Variants in HDAC1 observed in about 807,000 individuals in gnomAD.
The protein encoded by HDAC1 is histone deacetylase 1.
In HDAC1, 18 loss-of-function variants were observed where a neutral mutation model predicts 65.5. That is an observed-to-expected ratio of 0.27 (90% CI 0.19 to 0.41). The LOEUF (loss-of-function observed/expected upper bound fraction) is 0.41. Among genes scored for constraint, HDAC1 ranks in the 10% least tolerant of loss-of-function variants. HDAC1 has a pLI of 1.00. For synonymous variants in HDAC1, 211 were observed against 227.9 expected (o/e 0.93, Z 0.67); for missense variants, 373 against 625.2 (o/e 0.60, Z 4.30).
chr1:32,326,432 T>C (rs6679175), intron 4 of HDAC1, among the ~76,000 whole-genome samples: 5,660 of 152,214 alleles, frequency 0.037, 345 homozygotes, highest in African/African-American at 0.13. Flanking sequence ...CCCAAACTTC[T>C]GGGATTACAG....
rs1262466276 is a variant in HDAC1, at chr1:32,329,109, C to T, written c.678C>T (p.Tyr226=). The change falls in exon 7 of 14, where the codon TAC becomes TAT. Residue 226 remains tyrosine, a synonymous_variant. Coordinates refer to ENST00000373548, the MANE Select transcript of HDAC1 (RefSeq NM_004964.3). The surrounding 1 kb of genome is among the most constrained non-coding windows in gnomAD (Gnocchi z 4.1). Reference sequence around the variant, plus strand: ...AAGGCAAGTATTATGCTGTTAACTACCCGCTCCGAGACGGGATTGATGACG... The same window carrying T: ...AAGGCAAGTATTATGCTGTTAACTATCCGCTCCGAGACGGGATTGATGACG... The part of the protein sequence containing the change: ...AGKGKYYAVN[Y]PLRDGIDDES... 11 of 1,612,944 alleles carry T rather than the reference C, an allele frequency of 6.8e-6. No individual in the cohort carries two copies. The highest frequency in any genetic ancestry group is 2.2e-5 in the East Asian group (1 of 44,888).
At chr1:32,321,736 T>A (rs1032745077) in intron 3 of HDAC1, among the ~76,000 whole-genome samples, 1 of 152,134 alleles carries the variant, frequency 6.6e-6, no homozygotes, top group Non-Finnish European at 1.5e-5. Flanking sequence ...AAATATTTTT[T>A]TTTTTCTCAC....
At chr1:32,305,707 C>T (rs1640902300) in intron 2 of HDAC1, among the ~76,000 whole-genome samples, 1 of 151,224 alleles carries the variant, frequency 6.6e-6, no homozygotes, top group Non-Finnish European at 1.5e-5. Context: ...GCCTCCCAGG[C>T]TCAAGCCATC....
intron 1 of HDAC1, among the ~76,000 whole-genome samples, chr1:32,293,805 G>GA (rs1640729673): frequency 6.6e-6 from 1 of 151,940 alleles, no homozygotes. Flanking sequence ...AGGAGGCTGA[G>GA]GCAGGAGAGT....
rs117067587 is a variant in HDAC1, at chr1:32,306,158, A to G, written c.162+3425A>G. Among the ~76,000 whole-genome samples, 36 of 143,508 alleles carry G rather than the reference A, an allele frequency of 2.5e-4. No homozygotes were observed. The East Asian group carries it at 7.4e-3, about 30-fold the overall frequency. The allele number at this position is 143,508 out of a possible 152,430, so 94.1% of individuals were successfully genotyped here. On this transcript the variant is annotated intron_variant, in intron 2 of 13. Coordinates refer to ENST00000373548, the MANE Select transcript of HDAC1 (RefSeq NM_004964.3). ...GTTCTTCTGAAAAAGTGATTTGGCT[A>G]TTTGCCCTTTCACTTTTTTTTCTTT...
At chr1:32,293,335 A>AAAAAGATG (rs1430110167) in intron 1 of HDAC1, among the ~76,000 whole-genome samples, 1 of 151,924 alleles carries the variant, frequency 6.6e-6, no homozygotes, top group Non-Finnish European at 1.5e-5. Flanking sequence ...AAAAAAAAAA[A>AAAAAGATG]AAAAGATGTA....
In HDAC1 at chr1:32,311,550, G is replaced by A. The variant is rs528099115; in HGVS notation, c.163-5115G>A. 5.3e-5 allele frequency among the ~76,000 whole-genome samples: 8 copies of A among 152,066 alleles called. No homozygotes were observed. In the East Asian group the frequency reaches 1.5e-3, roughly 29 times the overall value. ...TGAGAATAGGAAACCCGGGAAAGAA[G>A]GACATAGGAAAAATAGGGTAGTAGA... On this transcript the variant is annotated intron_variant, in intron 2 of 13. Transcript: ENST00000373548.
chr1:32,308,549 T>C (rs1350153121), intron 2 of HDAC1, among the ~76,000 whole-genome samples: 1 of 152,084 alleles, frequency 6.6e-6, no homozygotes, highest in Non-Finnish European at 1.5e-5. Context: ...GACGGAGTCT[T>C]GATCTGTCAC....
At chr1:32,321,481 A>G (rs959932976) in intron 3 of HDAC1, among the ~76,000 whole-genome samples, 2 of 148,726 alleles carry the variant, frequency 1.3e-5, no homozygotes, top group Non-Finnish European at 2.9e-5. Flanking sequence ...TTCTCTGCCT[A>G]CGTCTGCTTC....
chr1:32,328,983 C>T, intron 6 of HDAC1, 85 bp from the exon 7 acceptor site: 1 of 849,640 alleles, frequency 1.2e-6, no homozygotes, highest in South Asian at 1.3e-5. Context: ...TCTCTTGAAC[C>T]TCTTCCTTTA....
At chr1:32,321,324 C>G (rs1641141535) in intron 3 of HDAC1, among the ~76,000 whole-genome samples, 1 of 152,050 alleles carries the variant, frequency 6.6e-6, no homozygotes, top group Admixed American at 6.6e-5. Context: ...CAGTTGATGC[C>G]CCCTTGGGCA....
intron 12 of HDAC1, 108 bp from the exon 13 acceptor site, chr1:32,332,591 TTA>T (rs1641309830): frequency 1.3e-6 from 1 of 798,536 alleles, no homozygotes; most frequent in African/African-American, 1.7e-5. Flanking sequence ...TTTTCTCTCT[TTA>T]TGTCCAGTGA....
At position 32,292,251 on chromosome 1, in the gene HDAC1, A is replaced by G. The variant is rs771127796; in HGVS notation, c.49+33A>G. ...CCGTCCTCGCGGCGGGGGCGGGGCC[A>G]GGCCGGGCCGGACCGGGAACCTGGA... is the stretch of plus-strand genomic sequence containing the variant. On this transcript the variant is annotated intron_variant, in intron 1 of 13. Coordinates refer to ENST00000373548, the MANE Select transcript of HDAC1 (RefSeq NM_004964.3). The G allele has an allele frequency of 3.8e-5, 59 of 1,546,400 alleles. No individual in the cohort carries two copies. The South Asian group carries it at 6.2e-4, about 16-fold the overall frequency.
chr1:32,316,153 G>A (rs1162971152), intron 2 of HDAC1, among the ~76,000 whole-genome samples: 1 of 151,994 alleles, frequency 6.6e-6, no homozygotes, highest in Non-Finnish European at 1.5e-5. Flanking sequence ...GCGTGGTGGT[G>A]GGCGTCTGTA....
chr1:32,324,335 T>G, intron 3 of HDAC1, 144 bp from the exon 4 acceptor site: 1 of 643,612 alleles, frequency 1.6e-6, no homozygotes, highest in South Asian at 1.9e-5. Flanking sequence ...TTAAACAACT[T>G]GATGCAGTCA....
chr1:32,298,364 G>A (rs994372472), intron 1 of HDAC1, among the ~76,000 whole-genome samples: 3 of 152,044 alleles, frequency 2.0e-5, no homozygotes, highest in Non-Finnish European at 4.4e-5. Context: ...TGGGATTACA[G>A]GCGTCAGGCA....
intron 13 of HDAC1, 86 bp downstream of exon 13, chr1:32,332,835 C>A: frequency 1.6e-6 from 2 of 1,281,398 alleles, no homozygotes; most frequent in Non-Finnish European, 2.2e-6. Context: ...GGCACAGGGA[C>A]AGCTGGTCCA....
intron 1 of HDAC1, among the ~76,000 whole-genome samples, chr1:32,295,421 A>T (rs1206082338): frequency 6.6e-6 from 1 of 152,042 alleles, no homozygotes; most frequent in Admixed American, 6.6e-5. Flanking sequence ...AAAGAACATA[A>T]ATGTATTTCT....
At chr1:32,297,013 A>G (rs1640775949) in intron 1 of HDAC1, among the ~76,000 whole-genome samples, 1 of 152,170 alleles carries the variant, frequency 6.6e-6, no homozygotes, top group Admixed American at 6.6e-5. Flanking sequence ...TCTCAAGATC[A>G]GGAAAGAGAA....
Sources: gnomAD v4.1 joint callset for allele counts (sites outside exome capture counted in the v4.1 genomes callset) on GRCh38, gnomAD v4.1.1 for gene constraint, Gnocchi (gnomAD v3.1) non-coding constraint, MANE v1.5 for transcripts, NCBI Gene and HGNC (gene_info 2026-07-23, HGNC 2026-07-21) for gene names.